The following KCMF1 variants were observed in gnomAD, a reference collection of about 807,000 sequenced individuals.
The protein encoded by KCMF1 is E3 ubiquitin-protein ligase KCMF1.
KCMF1 carries 3 observed loss-of-function variants against 41.1 expected under a neutral mutation model. That is an observed-to-expected ratio of 0.07 (90% CI 0.03 to 0.19). The LOEUF (loss-of-function observed/expected upper bound fraction) is 0.19. Ranked by LOEUF, KCMF1 falls within the 10% of genes least tolerant of loss-of-function variation. KCMF1 has a pLI of 1.00. For synonymous variants in KCMF1, 142 were observed against 164.5 expected (o/e 0.86, Z 1.04); for missense variants, 286 against 488.9 (o/e 0.58, Z 3.91).
intron 1 of KCMF1, among the ~76,000 whole-genome samples, chr2:85,026,337 A>C (rs1429310036): frequency 6.6e-6 from 1 of 150,998 alleles, no homozygotes; most frequent in Admixed American, 6.6e-5. Flanking sequence ...AGATCTCTCT[A>C]TGTTGCCTTG....
Position 84,976,421 on chromosome 2 carries a change from G to A in KCMF1, c.16+4954G>A, listed in dbSNP as rs569027776. ...AGGTTTCACCATGTTGGCCAGGCTGGTCTCGAACTCCTGACCGCAAGTGAT... is the reference window on the plus strand; with the variant it reads ...AGGTTTCACCATGTTGGCCAGGCTGATCTCGAACTCCTGACCGCAAGTGAT... On this transcript the variant is annotated intron_variant, in intron 1 of 6. Coordinates refer to ENST00000409785, the MANE Select transcript of KCMF1 (RefSeq NM_020122.5). Among the ~76,000 whole-genome samples the A allele has an allele frequency of 3.3e-5, 5 of 151,896 alleles. No homozygotes were observed. In the South Asian group the frequency reaches 8.3e-4, roughly 25 times the overall value.
intron 1 of KCMF1, among the ~76,000 whole-genome samples, chr2:85,023,453 G>A (rs1002262336): frequency 2.0e-5 from 3 of 151,174 alleles, no homozygotes; most frequent in Admixed American, 2.0e-4. Context: ...TGAGTAGCTG[G>A]GACTACAGGC....
At chr2:85,048,714 G>A (rs1335696575) in intron 5 of KCMF1, among the ~76,000 whole-genome samples, 6 of 152,196 alleles carry the variant, frequency 3.9e-5, no homozygotes, top group Admixed American at 3.3e-4. Context: ...AGGCCACTAA[G>A]TAGGCTGTAC....
chr2:85,014,837 G>A (rs1314835832), intron 1 of KCMF1, among the ~76,000 whole-genome samples: 6 of 151,260 alleles, frequency 4.0e-5, no homozygotes, highest in Non-Finnish European at 7.4e-5. Flanking sequence ...GCCTCCCAAA[G>A]TGTTTCCCTC....
In KCMF1 at chr2:85,003,367, A is replaced by C. The variant is rs139493439; in HGVS notation, c.17-24522A>C. On this transcript the variant is annotated intron_variant, in intron 1 of 6. Transcript: ENST00000409785. ...GTGGCGGGCACCTGTAGTCCTAGCT[A>C]CTCGGGAGGCTGAGGCAGGAGAATG... Among the ~76,000 whole-genome samples, 23 of 152,084 alleles carry C rather than the reference A, an allele frequency of 1.5e-4. No homozygotes were observed. The East Asian group carries it at 4.5e-3, about 29-fold the overall frequency.
chr2:85,008,360 T>TA lies in KCMF1; in HGVS notation c.17-19528dup, dbSNP rs1558573596. Among the ~76,000 whole-genome samples the TA allele has an allele frequency of 6.0e-4, 73 of 122,390 alleles. 5 individuals are homozygous for TA. The highest frequency in any genetic ancestry group is 3.5e-3 in the South Asian group (15 of 4,324). The allele number at this position is 122,390 out of a possible 152,430, so 80.3% of individuals were successfully genotyped here. A position where few individuals can be genotyped will look rare whatever the true frequency, so the allele number is the denominator to read the frequency against. ...AATATGATATATAATATATAATATA[T>TA]ATTATATATCATATGATATATTATA... On this transcript the variant is annotated intron_variant, in intron 1 of 6. Transcript: ENST00000409785.
rs1675943640 is a variant in KCMF1 at position 85,056,851 on chromosome 2, G to A, written c.*3442G>A. ...TTCTTAGTTTGCATGCACAGTTTAA[G>A]GGGCACATGCAATATTGGTTTCATG... On this transcript the variant is annotated 3_prime_UTR_variant, in exon 7 of 7. Transcript: ENST00000409785. 6.6e-6 allele frequency: 1 copy of A among 152,168 alleles called. No homozygotes were observed. The highest frequency in any genetic ancestry group is 1.9e-4 in the East Asian group (1 of 5,202). 9.4% of individuals were successfully genotyped at this position (152,168 alleles called of 1,614,324 possible).
chr2:85,034,165 A>C (rs781726914), intron 2 of KCMF1, among the ~76,000 whole-genome samples: 15 of 152,176 alleles, frequency 9.9e-5, no homozygotes, highest in Non-Finnish European at 2.1e-4. Context: ...CCTGTGCGAC[A>C]GAGTAAGACC....
intron 1 of KCMF1, among the ~76,000 whole-genome samples, chr2:84,985,154 G>A: frequency 6.6e-6 from 1 of 152,208 alleles, no homozygotes; most frequent in East Asian, 1.9e-4. Flanking sequence ...CAGCACAGAG[G>A]CCATGTGGCT....
At chr2:85,000,599 G>A (rs1477939176) in intron 1 of KCMF1, among the ~76,000 whole-genome samples, 4 of 152,078 alleles carry the variant, frequency 2.6e-5, no homozygotes, top group Non-Finnish European at 5.9e-5. Context: ...GCTACAAACA[G>A]CTTTGTCATC....
chr2:85,046,079 G>GT (rs752701679), intron 4 of KCMF1, 25 bp from the exon 5 acceptor site: 2 of 1,577,372 alleles, frequency 1.3e-6, no homozygotes, highest in Middle Eastern at 1.7e-4. Context: ...AAATACTTTC[G>GT]TTTTTTTCTT....
intron 1 of KCMF1, among the ~76,000 whole-genome samples, chr2:85,007,278 C>T (rs936640685): frequency 2.0e-5 from 3 of 152,174 alleles, no homozygotes; most frequent in African/African-American, 7.2e-5. Flanking sequence ...AAGCCCAGGT[C>T]TCACCATGTG....
chr2:84,971,791 A>C (rs1424515549), intron 1 of KCMF1, among the ~76,000 whole-genome samples: 1 of 150,430 alleles, frequency 6.6e-6, no homozygotes, highest in Non-Finnish European at 1.5e-5. Context: ...CTGATACCGG[A>C]CGCCAAGGCC....
At chr2:84,993,739 C>T (rs1339949822) in intron 1 of KCMF1, among the ~76,000 whole-genome samples, 1 of 151,612 alleles carries the variant, frequency 6.6e-6, no homozygotes, top group Non-Finnish European at 1.5e-5. Flanking sequence ...CCGTGCCTGG[C>T]TATTTTTTGT....
rs559099624 is a variant in KCMF1, at chr2:84,987,649, A to G, written c.16+16182A>G. On this transcript the variant is annotated intron_variant, in intron 1 of 6. Transcript: ENST00000409785. The stretch of plus-strand genomic sequence containing the variant: ...ACTAGGTAGAAATCAGAAGTGGGAA[A>G]TACTACTCTGGGGTTCAGGAGAGAG... Among the ~76,000 whole-genome samples the G allele has an allele frequency of 2.0e-5, 3 of 152,296 alleles. 1 individual carries two copies. The South Asian group carries it at 6.2e-4, about 32-fold the overall frequency.
chr2:85,003,576 A>T (rs542176244), intron 1 of KCMF1, among the ~76,000 whole-genome samples: 8 of 152,182 alleles, frequency 5.3e-5, no homozygotes, highest in Non-Finnish European at 1.0e-4. Context: ...GCACAAGCTT[A>T]TAAATGTTTG....
intron 1 of KCMF1, among the ~76,000 whole-genome samples, chr2:85,009,012 G>A (rs1312306773): frequency 6.6e-6 from 1 of 152,002 alleles, no homozygotes; most frequent in Non-Finnish European, 1.5e-5. Context: ...TTATAAGTGT[G>A]AGCCACCATG....
intron 1 of KCMF1, among the ~76,000 whole-genome samples, chr2:84,987,969 C>G (rs1481621906): frequency 6.6e-6 from 1 of 152,042 alleles, no homozygotes; most frequent in Non-Finnish European, 1.5e-5. Flanking sequence ...ACCTGTAATC[C>G]CAGCACTTTG....
At chr2:85,008,321 C>CATATATAATATATAATATA (rs1440605576) in intron 1 of KCMF1, among the ~76,000 whole-genome samples, 13 of 43,954 alleles carry the variant, frequency 3.0e-4, no homozygotes, top group East Asian at 8.6e-4. Context: ...ATATATATAT[C>CATATATAATATATAATATA]ATATATAATA....
Sources: gnomAD v4.1 joint callset for allele counts (sites outside exome capture counted in the v4.1 genomes callset) on GRCh38, gnomAD v4.1.1 for gene constraint, MANE v1.5 for transcripts, NCBI Gene and HGNC (gene_info 2026-07-23, HGNC 2026-07-21) for gene names.